RNF17: variants seen among roughly 807,000 people sequenced by gnomAD.
RNF17 encodes the protein spermatogenesis associated 23.
In RNF17, 31 loss-of-function variants were observed where a neutral mutation model predicts 200.5. The ratio of observed to expected loss-of-function variants is 0.15; its 90% CI spans 0.12 to 0.21. The LOEUF is 0.21. Ranked by LOEUF, RNF17 falls within the 10% of genes least tolerant of loss-of-function variation. The pLI is 1.00. For missense variants in RNF17, 1,628 were observed against 1,905.1 expected, an observed-to-expected ratio of 0.85 and a Z score of 2.71; for synonymous variants, 606 against 637.8, an observed-to-expected ratio of 0.95 and a Z score of 0.75.
downstream of RNF17, chr13:24,883,435 C>T (rs566434791): frequency 1.2e-5 from 16 of 1,332,836 alleles, no homozygotes; most frequent in South Asian, 1.7e-4. Context: ...AACAGAAAAA[C>T]TACTGAAAAG....
At chr13:24,880,158 C>CAATTAA (rs368299133), downstream of RNF17, among the ~76,000 whole-genome samples, 40,608 of 151,980 alleles carry the variant, frequency 0.27, 6,083 homozygotes, top group Admixed American at 0.37. Context: ...GACTCAGTTC[C>CAATTAA]ACATGGCTGG....
At chr13:24,849,970 A>G (rs1182021544) in intron 22 of RNF17, among the ~76,000 whole-genome samples, 4 of 152,230 alleles carry the variant, frequency 2.6e-5, no homozygotes, top group Admixed American at 6.5e-5. Context: ...GATGATGCAC[A>G]TAACACATCA....
At position 24,868,550 on chromosome 13, in the gene RNF17, A is replaced by G. The variant is rs751319461; in HGVS notation, c.4162-50A>G. 1.0e-5 allele frequency: 9 copies of G among 858,106 alleles called. No individual in the cohort carries two copies. In the Admixed American group the frequency reaches 1.4e-4, roughly 13 times the overall value. The allele number at this position is 858,106 out of a possible 1,614,324, so 53.2% of individuals were successfully genotyped here. A position where few individuals can be genotyped will look rare whatever the true frequency, so the allele number is the denominator to read the frequency against. On this transcript the variant is annotated intron_variant, in intron 30 of 35. Coordinates refer to ENST00000255324, the MANE Select transcript of RNF17 (RefSeq NM_031277.3). ...CACCATCATGAATTTTTATAATGTA[A>G]TAGATTTTTGTCCTTATTCTGAAAT...
intron 16 of RNF17, among the ~76,000 whole-genome samples, chr13:24,827,890 G>A (rs1817281730): frequency 6.6e-6 from 1 of 151,696 alleles, no homozygotes; most frequent in Non-Finnish European, 1.5e-5. Context: ...GTATGAAAAA[G>A]GAAGGCAAAC....
the RNF17 span, among the ~76,000 whole-genome samples, chr13:24,758,722 A>G: frequency 6.6e-6 from 1 of 152,206 alleles, no homozygotes; most frequent in Admixed American, 6.5e-5. Flanking sequence ...CATCTTTACC[A>G]TGACTAGGCA....
chr13:24,749,307 C>CTTT, the RNF17 span, among the ~76,000 whole-genome samples: 1,794 of 107,954 alleles, frequency 0.017, 103 homozygotes, highest in Non-Finnish European at 0.021. Flanking sequence ...TTCTTTCTTT[C>CTTT]TTTTTTTTTT....
At chr13:24,827,416 T>A (rs1403756031) in intron 16 of RNF17, among the ~76,000 whole-genome samples, 3 of 152,188 alleles carry the variant, frequency 2.0e-5, no homozygotes, top group Non-Finnish European at 4.4e-5. Context: ...GGTTAGTGAC[T>A]TGAACTAACT....
chr13:24,827,700 T>C (rs1410159115), intron 16 of RNF17, among the ~76,000 whole-genome samples: 3 of 9,054 alleles, frequency 3.3e-4, no homozygotes, highest in Non-Finnish European at 6.1e-4. Flanking sequence ...AGACTCCGTC[T>C]CAAAAAAAAA....
chr13:24,763,575 G>T (rs367977567), upstream of RNF17, among the ~76,000 whole-genome samples: 6 of 151,926 alleles, frequency 3.9e-5, no homozygotes, highest in Admixed American at 3.9e-4. Context: ...TTATTTTGGC[G>T]GAAGTTACTG....
intron 18 of RNF17, among the ~76,000 whole-genome samples, chr13:24,834,800 A>G (rs1455947121): frequency 6.6e-6 from 1 of 152,194 alleles, no homozygotes; most frequent in Non-Finnish European, 1.5e-5. Context: ...CTTGGTAACA[A>G]TTTGAACAGG....
intron 3 of RNF17, 80 bp downstream of exon 3, chr13:24,774,984 A>G (rs1881362158): frequency 1.7e-5 from 16 of 950,470 alleles, no homozygotes; most frequent in Non-Finnish European, 2.6e-5. Context: ...ATAAAATGTC[A>G]TCCTTAAGTC....
Position 24,764,340 on chromosome 13 carries a change from A to C in RNF17, c.130+7A>C. 2 of 1,576,542 alleles carry C rather than the reference A, an allele frequency of 1.3e-6. No individual in the cohort carries two copies. Among genetic ancestry groups the C allele is most frequent in the South Asian group, 1.1e-5 (1 of 87,776 alleles). ...AGGGTATCCAGATCATCCGGTGAGG[A>C]GCCCAAGGGCCCACCTAGCGGGGAG... On this transcript the variant is annotated splice_region_variant and intron_variant, in intron 1 of 35. Transcript: ENST00000255324.
chr13:24,772,356 T>A (rs2137490029), intron 2 of RNF17, among the ~76,000 whole-genome samples: 1 of 152,096 alleles, frequency 6.6e-6, no homozygotes, highest in South Asian at 2.1e-4. Context: ...ATTTTAGAAT[T>A]GTATTAATTT....
At chr13:24,874,085 T>A (rs1894597719) in intron 32 of RNF17, 29 bp from the exon 33 acceptor site, 1 of 1,602,886 alleles carries the variant, frequency 6.2e-7, no homozygotes, top group Non-Finnish European at 8.5e-7. Flanking sequence ...AAAGACAATA[T>A]GATTTTTTCC....
downstream of RNF17, among the ~76,000 whole-genome samples, chr13:24,881,874 CTATATAGA>C (rs201112122): frequency 2.5e-4 from 32 of 129,444 alleles, no homozygotes; most frequent in East Asian, 7.1e-4. Flanking sequence ...ATAGATACAT[CTATATAGA>C]TATATAGATA....
chr13:24,836,400 C>A (rs1376376439), intron 18 of RNF17, among the ~76,000 whole-genome samples: 1 of 152,172 alleles, frequency 6.6e-6, no homozygotes, highest in Non-Finnish European at 1.5e-5. Context: ...TTTGCCCAGA[C>A]ACATTGTCAT....
chr13:24,760,969 G>C (rs114419736), upstream of RNF17, among the ~76,000 whole-genome samples: 1,413 of 152,140 alleles, frequency 9.3e-3, 16 homozygotes, highest in African/African-American at 0.032. Context: ...AAAGACAAAA[G>C]ATAACAACTG....
intron 9 of RNF17, among the ~76,000 whole-genome samples, chr13:24,790,904 T>C (rs545919950): frequency 2.0e-5 from 3 of 152,214 alleles, no homozygotes; most frequent in Non-Finnish European, 4.4e-5. Context: ...AGAGCCCTCA[T>C]TGCTTGATCA....
intron 10 of RNF17, among the ~76,000 whole-genome samples, chr13:24,795,227 A>G (rs1017206016): frequency 1.3e-5 from 2 of 152,110 alleles, no homozygotes; most frequent in African/African-American, 4.8e-5. Flanking sequence ...CAATTTTACC[A>G]TGTAAACATT....
Sources: allele counts gnomAD v4.1 joint callset (sites outside exome capture counted in the v4.1 genomes callset), GRCh38; gene constraint gnomAD v4.1.1; transcripts MANE v1.5; gene names NCBI Gene and HGNC (gene_info 2026-07-23, HGNC 2026-07-21).